N4BP2: variants seen among roughly 807,000 people sequenced by gnomAD.
N4BP2 encodes NEDD4 binding protein 2.
Under a neutral mutation model 152.8 loss-of-function variants are expected in N4BP2, and 91 were observed. The observed-to-expected ratio is 0.60, with a 90% CI of 0.50 to 0.71. The LOEUF (loss-of-function observed/expected upper bound fraction) is 0.71. N4BP2 is among the 30% of genes least tolerant of loss of function. N4BP2 has a pLI of 0.00. For missense variants in N4BP2, 1,923 were observed against 2,059.1 expected (o/e 0.93, Z 1.28); for synonymous variants, 646 against 705.3 (o/e 0.92, Z 1.33).
chr4:40,167,840 A>C, the N4BP2 span: 16 of 152,232 alleles, frequency 1.1e-4, no homozygotes, highest in Non-Finnish European at 1.9e-4. Flanking sequence ...AATGAGACTC[A>C]TCTAACTAGA....
intron 6 of N4BP2, 110 bp from the exon 7 acceptor site, chr4:40,113,322 T>C: frequency 1.3e-6 from 1 of 768,666 alleles, no homozygotes; most frequent in Non-Finnish European, 2.1e-6. Context: ...TTTAACACAC[T>C]CATCAAGATT....
chr4:40,145,333 C>T (rs548739271), intron 16 of N4BP2, among the ~76,000 whole-genome samples: 184 of 152,162 alleles, frequency 1.2e-3, no homozygotes, highest in Middle Eastern at 3.4e-3. Flanking sequence ...AAGCCATTCT[C>T]GTGCCTCAGC....
intron 2 of N4BP2, among the ~76,000 whole-genome samples, chr4:40,086,291 C>T (rs114875365): frequency 0.064 from 9,744 of 151,396 alleles, 396 homozygotes; most frequent in Non-Finnish European, 0.085. Flanking sequence ...GACAACATTG[C>T]GAGACACTGT....
rs539132087 is a variant in N4BP2, at chr4:40,117,759, A to G, written c.1665-110A>G. 4.8e-5 allele frequency: 40 copies of G among 838,248 alleles called. No individual in the cohort carries two copies. The South Asian group carries it at 9.9e-4, about 21-fold the overall frequency. The allele number at this position is 838,248 out of a possible 1,614,324, so 51.9% of individuals were successfully genotyped here. A position where few individuals can be genotyped will look rare whatever the true frequency, so the allele number is the denominator to read the frequency against. On this transcript the variant is annotated intron_variant, in intron 7 of 17. Coordinates refer to ENST00000261435, the MANE Select transcript of N4BP2 (RefSeq NM_018177.6). The stretch of plus-strand genomic sequence containing the variant: ...TTGTGGTCACAATAAAGCAGCTTTG[A>G]TATTCGTATCTATTAGAAATATATT...
At chr4:40,147,589 AC>A (rs1197718104) in intron 16 of N4BP2, among the ~76,000 whole-genome samples, 1 of 122,554 alleles carries the variant, frequency 8.2e-6, no homozygotes, top group Non-Finnish European at 1.7e-5. Flanking sequence ...GTGGGGGCTG[AC>A]CCCCCCACCT....
At chr4:40,142,888 T>C in intron 15 of N4BP2, 27 bp downstream of exon 15, 1 of 1,598,108 alleles carries the variant, frequency 6.3e-7, no homozygotes, top group Non-Finnish European at 8.6e-7. Flanking sequence ...ATTATATATT[T>C]TTTGTCAGTT....
chr4:40,152,097 C>T (rs11730862), intron 16 of N4BP2, among the ~76,000 whole-genome samples: 48,433 of 151,954 alleles, frequency 0.32, 7,903 homozygotes, highest in South Asian at 0.47. Flanking sequence ...GGCTCAGACT[C>T]CTTTGATGTT....
chr4:40,117,980 A>G lies in N4BP2; in HGVS notation c.1776A>G (p.Glu592=). The G allele has an allele frequency of 6.2e-7, 1 of 1,612,410 alleles. No individual in the cohort carries two copies. The highest frequency in any genetic ancestry group is 2.2e-5 in the East Asian group (1 of 44,746). ...GTTCTTCGGTTCCAGAGAAAATTGA[A>G]CGTATTGAGTTGTGTGCATATTCTT... is the stretch of plus-strand genomic sequence containing the variant. ...IMSSSVPEKI[E]RIELCAYSCE... Residue 592 remains glutamate, a synonymous_variant, in exon 8 of 18, where the codon GAA becomes GAG. Coordinates refer to ENST00000261435, the MANE Select transcript of N4BP2 (RefSeq NM_018177.6).
At chr4:40,176,103 AAAAG>A in the N4BP2 span, among the ~76,000 whole-genome samples, 1 of 151,660 alleles carries the variant, frequency 6.6e-6, no homozygotes, top group Non-Finnish European at 1.5e-5. Context: ...AAAAAAAAAA[AAAAG>A]AGAAAGAAAA....
At chr4:40,092,647 T>C (rs79685915) in intron 2 of N4BP2, among the ~76,000 whole-genome samples, 1 of 16,390 alleles carries the variant, frequency 6.1e-5, no homozygotes, top group Non-Finnish European at 4.1e-4. Context: ...ATTATTTCCT[T>C]TTTTTTTTTT....
intron 13 of N4BP2, among the ~76,000 whole-genome samples, chr4:40,132,582 A>T (rs1311554173): frequency 6.6e-6 from 1 of 152,166 alleles, no homozygotes. Flanking sequence ...GCTATTTGTT[A>T]GATCCTGAGT....
At chr4:40,088,743 G>C (rs547086144) in intron 2 of N4BP2, among the ~76,000 whole-genome samples, 1 of 152,094 alleles carries the variant, frequency 6.6e-6, no homozygotes, top group Admixed American at 6.6e-5. Flanking sequence ...CAGTTGATCT[G>C]CCCGCCTTGG....
At chr4:40,133,616 G>T (rs766890412) in intron 13 of N4BP2, among the ~76,000 whole-genome samples, 1 of 152,114 alleles carries the variant, frequency 6.6e-6, no homozygotes, top group African/African-American at 2.4e-5. Context: ...GATTACAGGC[G>T]TGAGCCACCT....
chr4:40,104,293 A>G, intron 4 of N4BP2, among the ~76,000 whole-genome samples: 1 of 150,090 alleles, frequency 6.7e-6, no homozygotes. Context: ...CCAAATTTTA[A>G]CCATTAGCCT....
Position 40,102,938 on chromosome 4 carries a change from C to T in N4BP2, c.1093C>T (p.Pro365Ser), listed in dbSNP as rs773256332. 1 of 1,614,224 alleles carries T rather than the reference C, an allele frequency of 6.2e-7. No individual in the cohort carries two copies. ...TCCGCCACCTCCACCGATGTGGAAT[C>T]CAATGATTCCTGCTTTTGACCTCTT... is the stretch of plus-strand genomic sequence containing the variant. Reference protein sequence around the residue: ...PPPPPPPMWNPMIPAFDLFQG... With the variant: ...PPPPPPPMWNSMIPAFDLFQG... Residue 365 changes from proline to serine, a missense_variant, in exon 4 of 18, where the codon CCA becomes TCA. By Grantham distance (74) the Pro-to-Ser change is moderately conservative. Coordinates refer to ENST00000261435, the MANE Select transcript of N4BP2 (RefSeq NM_018177.6).
chr4:40,176,219 G>A, the N4BP2 span, among the ~76,000 whole-genome samples: 1 of 151,856 alleles, frequency 6.6e-6, no homozygotes, highest in Non-Finnish European at 1.5e-5. Flanking sequence ...TTGCAATGAT[G>A]AAAAATGATT....
chr4:40,189,418 G>A, the N4BP2 span, among the ~76,000 whole-genome samples: 2 of 152,158 alleles, frequency 1.3e-5, no homozygotes, highest in Admixed American at 6.5e-5. The surrounding 1 kb of genome is among the most constrained non-coding windows in gnomAD (Gnocchi z 4.3). Flanking sequence ...TGAAGTGGAG[G>A]AATGGGGCTG....
chr4:40,121,650 G>A lies in N4BP2; in HGVS notation c.3539G>A (p.Ser1180Asn), dbSNP rs1208259951. 1 of 1,614,146 alleles carries A rather than the reference G, an allele frequency of 6.2e-7. No homozygotes were observed. Residue 1180 changes from serine to asparagine, a missense_variant, in exon 9 of 18, where the codon AGC (serine) becomes AAC (asparagine). Ser to Asn is a conservative substitution (Grantham distance 46). Coordinates refer to ENST00000261435, the MANE Select transcript of N4BP2 (RefSeq NM_018177.6). ...ENSNSPVPEFSHGIGISNADS... is the reference protein window; with the variant it reads ...ENSNSPVPEFNHGIGISNADS... ...TCTAATTCTCCTGTGCCAGAGTTTAGCCATGGGATTGGTATTAGTAACGCT... is the reference window on the plus strand; with the variant it reads ...TCTAATTCTCCTGTGCCAGAGTTTAACCATGGGATTGGTATTAGTAACGCT...
intron 1 of N4BP2, among the ~76,000 whole-genome samples, chr4:40,061,214 G>A (rs1733629362): frequency 1.3e-5 from 2 of 151,960 alleles, no homozygotes; most frequent in Admixed American, 6.6e-5. Flanking sequence ...GTGTTGCCCA[G>A]GCTGGAGTGC....
Sources: gnomAD v4.1 joint callset for allele counts (sites outside exome capture counted in the v4.1 genomes callset) on GRCh38, gnomAD v4.1.1 for gene constraint, Gnocchi (gnomAD v3.1) non-coding constraint, MANE v1.5 for transcripts, NCBI Gene and HGNC (gene_info 2026-07-23, HGNC 2026-07-21) for gene names.